PXDNL: variants seen among roughly 807,000 people sequenced by gnomAD.
PXDNL encodes the protein peroxidasin like.
A neutral mutation model predicts 150.8 loss-of-function variants in PXDNL; 145 were observed. That is an observed-to-expected ratio of 0.96 (90% CI 0.84 to 1.10). The LOEUF (loss-of-function observed/expected upper bound fraction) is 1.10, where lower values mean the gene tolerates loss of function less well. Ranked by LOEUF, PXDNL falls within the 50% of genes least tolerant of loss-of-function variation. The pLI is 0.00. For missense variants in PXDNL, 2,087 were observed against 1,873.9 expected (o/e 1.11, Z -2.10); for synonymous variants, 757 against 725.7 (o/e 1.04, Z -0.69).
rs751936544 is a variant in PXDNL, at chr8:51,499,698, C to T, written c.452+1G>A. The T allele has an allele frequency of 1.2e-6, 2 of 1,607,774 alleles. No individual in the cohort carries two copies. Among genetic ancestry groups the T allele is most frequent in the Non-Finnish European group, 1.7e-6 (2 of 1,174,392 alleles). On this transcript the variant is annotated splice_donor_variant, in intron 5 of 22. Transcript: ENST00000356297. LOFTEE classifies it high-confidence loss of function. ...AGGACATCTAAAGGGTCAACACTTA[C>T]AGTCGCTCTAATCTCAGAAGGTCTC...
chr8:51,367,978 A>C (rs1028676145), intron 19 of PXDNL, among the ~76,000 whole-genome samples: 3 of 152,122 alleles, frequency 2.0e-5, no homozygotes, highest in Non-Finnish European at 4.4e-5. Flanking sequence ...AAATACAAAA[A>C]TTAGCCAGGT....
intron 4 of PXDNL, among the ~76,000 whole-genome samples, chr8:51,543,489 G>C (rs186950109): frequency 6.6e-6 from 1 of 151,914 alleles, no homozygotes; most frequent in Non-Finnish European, 1.5e-5. Flanking sequence ...ACTATGGGCG[G>C]ATCACAAGGT....
chr8:51,566,525 T>C (rs1812832650), intron 3 of PXDNL, among the ~76,000 whole-genome samples: 1 of 151,820 alleles, frequency 6.6e-6, no homozygotes, highest in Admixed American at 6.6e-5. Context: ...TTACATTGTG[T>C]CTTTCAAGAA....
intron 21 of PXDNL, among the ~76,000 whole-genome samples, chr8:51,328,591 G>T (rs1805587615): frequency 6.6e-6 from 1 of 152,210 alleles, no homozygotes; most frequent in African/African-American, 2.4e-5. Flanking sequence ...GCAGGGGAAA[G>T]AATCTGTTGA....
At chr8:51,733,847 TG>T (rs1816983557) in intron 1 of PXDNL, among the ~76,000 whole-genome samples, 1 of 145,612 alleles carries the variant, frequency 6.9e-6, no homozygotes, top group Admixed American at 6.9e-5. Flanking sequence ...TATATATATA[TG>T]ATATATATGA....
At chr8:51,608,815 T>G (rs552639098) in intron 2 of PXDNL, among the ~76,000 whole-genome samples, 3 of 114,556 alleles carry the variant, frequency 2.6e-5, no homozygotes, top group Non-Finnish European at 4.8e-5. Context: ...CCAGCCTAGG[T>G]GACAGAGCAA....
At position 51,785,027 on chromosome 8, in the gene PXDNL, G is replaced by T. The variant is rs534031007; in HGVS notation, c.164+24154C>A. On this transcript the variant is annotated intron_variant, in intron 1 of 22. Coordinates refer to ENST00000356297, the MANE Select transcript of PXDNL (RefSeq NM_144651.5). ...CCAAGACACATTTTAAGCATCAGTG[G>T]TTATATATTTCTCTTAGGCAAATGG... Among the ~76,000 whole-genome samples the T allele has an allele frequency of 1.4e-4, 21 of 152,236 alleles. 1 individual carries two copies. In the South Asian group the frequency reaches 2.9e-3, roughly 21 times the overall value.
At chr8:51,326,201 C>T (rs1805480068) in intron 21 of PXDNL, among the ~76,000 whole-genome samples, 1 of 152,126 alleles carries the variant, frequency 6.6e-6, no homozygotes, top group Admixed American at 6.5e-5. Flanking sequence ...GCTGTCTATA[C>T]TATAATCAAG....
At chr8:51,761,125 G>A (rs1343643841) in intron 1 of PXDNL, among the ~76,000 whole-genome samples, 3 of 148,870 alleles carry the variant, frequency 2.0e-5, no homozygotes, top group South Asian at 2.1e-4. Flanking sequence ...CGCCCGCCTC[G>A]GCCTCCCAAA....
At chr8:51,695,185 A>G (rs1816088990) in intron 1 of PXDNL, among the ~76,000 whole-genome samples, 1 of 152,194 alleles carries the variant, frequency 6.6e-6, no homozygotes, top group Non-Finnish European at 1.5e-5. Flanking sequence ...ATTTAATCAT[A>G]GTTCCCTTTA....
chr8:51,502,860 T>C (rs10755971), intron 4 of PXDNL, among the ~76,000 whole-genome samples: 71,827 of 151,970 alleles, frequency 0.47, 18,431 homozygotes, highest in African/African-American at 0.69. Flanking sequence ...GGGCATCTTA[T>C]ATACTGAGCC....
At chr8:51,637,501 C>T (rs1814631796) in intron 2 of PXDNL, among the ~76,000 whole-genome samples, 1 of 152,116 alleles carries the variant, frequency 6.6e-6, no homozygotes, top group African/African-American at 2.4e-5. Context: ...TAGAGAAGTC[C>T]TTAAATGACC....
chr8:51,448,159 GA>G (rs1207585097), intron 11 of PXDNL, among the ~76,000 whole-genome samples: 1 of 152,172 alleles, frequency 6.6e-6, no homozygotes, highest in Non-Finnish European at 1.5e-5. Context: ...CCCAAGCCCG[GA>G]GGAACCTTAG....
intron 1 of PXDNL, among the ~76,000 whole-genome samples, chr8:51,785,043 A>T (rs558671852): frequency 1.3e-5 from 2 of 152,216 alleles, no homozygotes; most frequent in Non-Finnish European, 2.9e-5. Flanking sequence ...TATTTCTCTT[A>T]GGCAAATGGT....
intron 1 of PXDNL, among the ~76,000 whole-genome samples, chr8:51,735,219 G>T (rs1817007662): frequency 6.6e-6 from 1 of 152,118 alleles, no homozygotes; most frequent in Non-Finnish European, 1.5e-5. Context: ...AGTGGCCCAT[G>T]CCTGTAATCC....
intron 3 of PXDNL, among the ~76,000 whole-genome samples, chr8:51,574,699 A>G (rs1813013182): frequency 1.3e-5 from 2 of 152,238 alleles, no homozygotes; most frequent in South Asian, 4.1e-4. Context: ...TCAAAGAATC[A>G]TAGGTATGAC....
chr8:51,576,560 T>C (rs2130609243), intron 3 of PXDNL, among the ~76,000 whole-genome samples: 1 of 151,938 alleles, frequency 6.6e-6, no homozygotes, highest in Admixed American at 6.6e-5. Flanking sequence ...ATGCTTACAT[T>C]ATAAAAGAGC....
rs532986388 is a variant in PXDNL, at chr8:51,322,684, G to A, written c.4147-1787C>T. On this transcript the variant is annotated intron_variant, in intron 21 of 22. Transcript: ENST00000356297. Reference sequence around the variant, plus strand: ...GATTGGCTAGATGTGGGTTTAAGGAGAAGAGGAGAACCCAAAAAATCACGA... The same window carrying A: ...GATTGGCTAGATGTGGGTTTAAGGAAAAGAGGAGAACCCAAAAAATCACGA... Among the ~76,000 whole-genome samples the A allele has an allele frequency of 1.4e-4, 22 of 152,334 alleles. No homozygotes were observed. The South Asian group carries it at 4.6e-3, about 32-fold the overall frequency.
chr8:51,598,550 T>A (rs1813624116), intron 2 of PXDNL, among the ~76,000 whole-genome samples: 1 of 152,166 alleles, frequency 6.6e-6, no homozygotes, highest in Non-Finnish European at 1.5e-5. Context: ...ATTTATTGAT[T>A]TTCATATGCT....
Sources: gnomAD v4.1 joint callset for allele counts (sites outside exome capture counted in the v4.1 genomes callset) on GRCh38, gnomAD v4.1.1 for gene constraint, MANE v1.5 for transcripts, NCBI Gene and HGNC (gene_info 2026-07-23, HGNC 2026-07-21) for gene names.